The following SORCS1 variants were observed in gnomAD, a reference collection of about 807,000 sequenced individuals.
The protein encoded by SORCS1 is VPS10 domain-containing receptor SorCS1.
SORCS1 carries 60 observed loss-of-function variants against 146.1 expected under a neutral mutation model. The ratio of observed to expected loss-of-function variants is 0.41; its 90% CI spans 0.33 to 0.51. SORCS1 has a LOEUF of 0.51. Ranked by LOEUF, SORCS1 falls within the 20% of genes least tolerant of loss-of-function variation. The pLI is 0.21. For synonymous variants in SORCS1, 637 were observed against 584.0 expected (o/e 1.09, Z -1.31); for missense variants, 1,352 against 1,487.6 (o/e 0.91, Z 1.50).
At chr10:106,666,359 T>C (rs1056624053) in intron 17 of SORCS1, among the ~76,000 whole-genome samples, 7 of 152,146 alleles carry the variant, frequency 4.6e-5, no homozygotes, top group Non-Finnish European at 8.8e-5. Flanking sequence ...AAAGATAGGC[T>C]CTTCCTGGGT....
chr10:106,642,399 G>T (rs1347255756), intron 18 of SORCS1, among the ~76,000 whole-genome samples: 1 of 152,130 alleles, frequency 6.6e-6, no homozygotes, highest in African/African-American at 2.4e-5. Flanking sequence ...GCTCTTTACA[G>T]GCATCAGAAG....
intron 4 of SORCS1, among the ~76,000 whole-genome samples, chr10:106,762,786 G>A (rs987728876): frequency 6.6e-6 from 1 of 152,022 alleles, no homozygotes; most frequent in African/African-American, 2.4e-5. Flanking sequence ...GCCAAGGAGA[G>A]ATGGGTGACA....
At chr10:106,996,054 A>C (rs1956985069) in intron 1 of SORCS1, among the ~76,000 whole-genome samples, 1 of 152,018 alleles carries the variant, frequency 6.6e-6, no homozygotes, top group South Asian at 2.1e-4. Flanking sequence ...AGCCTGGCCA[A>C]GACGGTGAAA....
intron 2 of SORCS1, among the ~76,000 whole-genome samples, chr10:106,882,383 T>A (rs892500074): frequency 1.3e-5 from 2 of 152,232 alleles, no homozygotes; most frequent in Non-Finnish European, 2.9e-5. Flanking sequence ...GCAAGCTTGG[T>A]CTAGGTCAAC....
chr10:107,045,860 T>C (rs976065600), intron 1 of SORCS1, among the ~76,000 whole-genome samples: 2 of 150,674 alleles, frequency 1.3e-5, no homozygotes, highest in East Asian at 2.0e-4. Flanking sequence ...AACAGTGTAC[T>C]ACAACTTTGA....
chr10:107,140,436 T>C (rs1967714492), intron 1 of SORCS1, among the ~76,000 whole-genome samples: 1 of 152,236 alleles, frequency 6.6e-6, no homozygotes, highest in South Asian at 2.1e-4. Flanking sequence ...GGCTGACTTG[T>C]AAATGTTGAG....
rs149194983 is a variant in SORCS1, at chr10:106,824,192, T to C, written c.726+5382A>G. On this transcript the variant is annotated intron_variant, in intron 3 of 25. Transcript: ENST00000263054. ...GGTGGTGCATGCCTTTAGTCCCAGC[T>C]ACTCAGGAGGCTGAGGCAGAAGGAT... Among the ~76,000 whole-genome samples, 353 of 151,364 alleles carry C rather than the reference T, an allele frequency of 2.3e-3. 14 individuals carry two copies. The East Asian group carries it at 0.061, about 26-fold the overall frequency.
At chr10:107,038,534 G>A (rs1959014741) in intron 1 of SORCS1, among the ~76,000 whole-genome samples, 1 of 152,098 alleles carries the variant, frequency 6.6e-6, no homozygotes. Context: ...AAAACTTAAA[G>A]TATAATAAAA....
chr10:107,067,236 A>T (rs1449289060), intron 1 of SORCS1, among the ~76,000 whole-genome samples: 1 of 151,690 alleles, frequency 6.6e-6, no homozygotes, highest in Non-Finnish European at 1.5e-5. Flanking sequence ...ACATATTAAT[A>T]GTTTCCCTGG....
chr10:107,111,651 G>C (rs551273512), intron 1 of SORCS1, among the ~76,000 whole-genome samples: 1 of 152,106 alleles, frequency 6.6e-6, no homozygotes, highest in African/African-American at 2.4e-5. Flanking sequence ...AAGAGACAGA[G>C]AATTATTTAA....
intron 13 of SORCS1, among the ~76,000 whole-genome samples, chr10:106,676,651 T>G (rs61675662): frequency 0.012 from 1,897 of 152,286 alleles, 43 homozygotes; most frequent in African/African-American, 0.044. Flanking sequence ...TCTCTGTCTG[T>G]GTCTCTCTCT....
At chr10:106,679,781 G>A (rs766833139) in intron 10 of SORCS1, 47 bp from the exon 11 acceptor site, 1 of 1,413,344 alleles carries the variant, frequency 7.1e-7, no homozygotes, top group East Asian at 2.4e-5. Context: ...AATCAAAATG[G>A]TCATTTGAAG....
intron 2 of SORCS1, among the ~76,000 whole-genome samples, chr10:106,928,469 G>A (rs1021812120): frequency 6.6e-6 from 1 of 152,190 alleles, no homozygotes; most frequent in Non-Finnish European, 1.5e-5. Context: ...TTCCGCTCAC[G>A]CCTCTCCCTC....
chr10:106,878,636 A>ATATATATATATATATATATG (rs1564765063), intron 2 of SORCS1, among the ~76,000 whole-genome samples: 3 of 136,380 alleles, frequency 2.2e-5, no homozygotes, highest in Non-Finnish European at 4.7e-5. Flanking sequence ...ATATATATAT[A>ATATATATATATATATATATG]TATATATATA....
At chr10:106,954,600 TC>T (rs1954846187) in intron 2 of SORCS1, among the ~76,000 whole-genome samples, 1 of 152,176 alleles carries the variant, frequency 6.6e-6, no homozygotes, top group Non-Finnish European at 1.5e-5. Flanking sequence ...TTGTTGGCCT[TC>T]TACTACTATC....
intron 1 of SORCS1, among the ~76,000 whole-genome samples, chr10:107,070,266 T>TTG (rs35586981): frequency 0.012 from 1,816 of 150,658 alleles, 26 homozygotes; most frequent in African/African-American, 0.03. Context: ...CGTAAACAGT[T>TTG]TGTGTGTGTG....
chr10:106,804,866 T>A (rs1947085885), intron 3 of SORCS1, among the ~76,000 whole-genome samples: 1 of 152,188 alleles, frequency 6.6e-6, no homozygotes, highest in African/African-American at 2.4e-5. Context: ...ACCCATTACA[T>A]AGGATATAAG....
chr10:106,965,698 G>A (rs1385512814), intron 1 of SORCS1, among the ~76,000 whole-genome samples: 1 of 152,116 alleles, frequency 6.6e-6, no homozygotes, highest in African/African-American at 2.4e-5. Context: ...CCTAATCCCT[G>A]TGCTAAACTT....
intron 2 of SORCS1, among the ~76,000 whole-genome samples, chr10:106,834,898 G>A (rs1191893329): frequency 2.6e-5 from 4 of 152,142 alleles, no homozygotes; most frequent in African/African-American, 9.7e-5. Flanking sequence ...GAAGCTAAAA[G>A]CTTAACAAAA....
Sources: allele counts gnomAD v4.1 joint callset (sites outside exome capture counted in the v4.1 genomes callset), GRCh38; gene constraint gnomAD v4.1.1; transcripts MANE v1.5; gene names NCBI Gene and HGNC (gene_info 2026-07-23, HGNC 2026-07-21).